The following NKAIN3 variants were observed in gnomAD, a reference collection of about 807,000 sequenced individuals.
The protein encoded by NKAIN3 is sodium/potassium transporting ATPase interacting 3.
A neutral mutation model predicts 30.2 loss-of-function variants in NKAIN3; 25 were observed. That is an observed-to-expected ratio of 0.83 (90% CI 0.60 to 1.16). The LOEUF is 1.16. NKAIN3 is among the 50% of genes most tolerant of loss of function. NKAIN3 has a pLI of 0.00. For missense variants in NKAIN3, 225 were observed against 254.1 expected, an observed-to-expected ratio of 0.89 and a Z score of 0.78; for synonymous variants, 91 against 89.6, an observed-to-expected ratio of 1.02 and a Z score of -0.09.
intron 6 of NKAIN3, among the ~76,000 whole-genome samples, chr8:62,963,149 T>C (rs1823618642): frequency 6.6e-6 from 1 of 152,186 alleles, no homozygotes; most frequent in African/African-American, 2.4e-5. Flanking sequence ...AGACTCAGCC[T>C]CCCAAAGTGC....
chr8:62,830,822 C>G (rs2130744689), intron 4 of NKAIN3, among the ~76,000 whole-genome samples: 1 of 152,302 alleles, frequency 6.6e-6, no homozygotes, highest in East Asian at 1.9e-4. Context: ...CATGCCTAGA[C>G]ACACGTCTCA....
chr8:62,640,407 A>G (rs1265654801), intron 3 of NKAIN3, among the ~76,000 whole-genome samples: 1 of 152,018 alleles, frequency 6.6e-6, no homozygotes, highest in Non-Finnish European at 1.5e-5. Context: ...CCCTTCTGCC[A>G]TGATTGTAAG....
chr8:62,892,114 G>T (rs1821313752), intron 4 of NKAIN3, among the ~76,000 whole-genome samples: 1 of 152,154 alleles, frequency 6.6e-6, no homozygotes, highest in South Asian at 2.1e-4. Context: ...GCAAGGATTA[G>T]ATATACTTAA....
chr8:62,578,386 A>G (rs1230379363), intron 1 of NKAIN3, among the ~76,000 whole-genome samples: 1 of 152,252 alleles, frequency 6.6e-6, no homozygotes, highest in Middle Eastern at 3.4e-3. Flanking sequence ...TGACCTCATA[A>G]TTTCTGTCTG....
intron 4 of NKAIN3, among the ~76,000 whole-genome samples, chr8:62,780,281 A>C (rs1817315985): frequency 6.6e-6 from 1 of 152,170 alleles, no homozygotes; most frequent in Non-Finnish European, 1.5e-5. Context: ...GTGAGTAATG[A>C]GATTAAATCA....
intron 4 of NKAIN3, among the ~76,000 whole-genome samples, chr8:62,808,108 G>A (rs1818364058): frequency 6.6e-6 from 1 of 151,818 alleles, no homozygotes; most frequent in Non-Finnish European, 1.5e-5. Flanking sequence ...CTAGTTTTTA[G>A]GTCTCCCTTA....
chr8:62,801,556 G>A (rs1283647377), intron 4 of NKAIN3, among the ~76,000 whole-genome samples: 2 of 152,280 alleles, frequency 1.3e-5, no homozygotes, highest in East Asian at 3.9e-4. Flanking sequence ...GCAGCTGAGG[G>A]TCCTCTCTGT....
intron 1 of NKAIN3, among the ~76,000 whole-genome samples, chr8:62,275,349 T>C (rs370616170): frequency 6.6e-6 from 1 of 152,248 alleles, no homozygotes; most frequent in African/African-American, 2.4e-5. Flanking sequence ...TGGCCAGTGA[T>C]GATGAGCATT....
intron 6 of NKAIN3, among the ~76,000 whole-genome samples, chr8:62,964,219 G>A (rs560819712): frequency 6.6e-6 from 1 of 152,186 alleles, no homozygotes; most frequent in South Asian, 2.1e-4. Context: ...CTTCACAGTA[G>A]AGAAGAAATT....
At position 62,607,414 on chromosome 8, in the gene NKAIN3, G is replaced by A. The variant is rs577334485; in HGVS notation, c.273+17620G>A. On this transcript the variant is annotated intron_variant, in intron 3 of 6. Coordinates refer to ENST00000623646, the MANE Select transcript of NKAIN3 (RefSeq NM_001304533.3). Reference sequence around the variant, plus strand: ...GGAAGGCTGATGCACCTTCTCTTGGGACCATTCAGCACCTTTGCATCACTC... The same window carrying A: ...GGAAGGCTGATGCACCTTCTCTTGGAACCATTCAGCACCTTTGCATCACTC... 2.5e-4 allele frequency among the ~76,000 whole-genome samples: 38 copies of A among 152,184 alleles called. 1 individual carries two copies. In the South Asian group the frequency reaches 7.7e-3, roughly 31 times the overall value.
chr8:62,426,363 T>A (rs1309816952), intron 1 of NKAIN3, among the ~76,000 whole-genome samples: 2 of 151,990 alleles, frequency 1.3e-5, no homozygotes, highest in Admixed American at 6.6e-5. Flanking sequence ...TGTAATTTTT[T>A]AAAAGCTAGT....
intron 1 of NKAIN3, among the ~76,000 whole-genome samples, chr8:62,415,094 T>G (rs1038441551): frequency 9.2e-5 from 13 of 141,912 alleles, no homozygotes; most frequent in Non-Finnish European, 1.8e-4. Flanking sequence ...TATACTATAT[T>G]ACATATAATA....
intron 3 of NKAIN3, among the ~76,000 whole-genome samples, chr8:62,653,169 T>C (rs555101159): frequency 6.6e-6 from 1 of 152,282 alleles, no homozygotes; most frequent in South Asian, 2.1e-4. Flanking sequence ...AGAAATGTAT[T>C]TTCCCAAAGG....
intron 4 of NKAIN3, among the ~76,000 whole-genome samples, chr8:62,750,895 T>G (rs908098769): frequency 6.6e-6 from 1 of 151,982 alleles, no homozygotes; most frequent in East Asian, 1.9e-4. Context: ...GTTCATATGC[T>G]CATCACTTCT....
At chr8:62,295,405 G>A (rs1023689239) in intron 1 of NKAIN3, among the ~76,000 whole-genome samples, 9 of 152,136 alleles carry the variant, frequency 5.9e-5, no homozygotes, top group Admixed American at 2.6e-4. Context: ...CAGACTCAGC[G>A]TGATTTCATG....
intron 1 of NKAIN3, among the ~76,000 whole-genome samples, chr8:62,289,455 A>G (rs1813505283): frequency 6.6e-6 from 1 of 152,224 alleles, no homozygotes; most frequent in South Asian, 2.1e-4. Context: ...TCAGCTTTCT[A>G]CATATGGCTA....
intron 1 of NKAIN3, among the ~76,000 whole-genome samples, chr8:62,356,709 TC>T (rs553837838): frequency 1.9e-4 from 29 of 152,274 alleles, no homozygotes; most frequent in African/African-American, 6.7e-4. Context: ...TAAAGGTGAA[TC>T]AAATTGTGTC....
chr8:62,836,536 G>A (rs75876514), intron 4 of NKAIN3, among the ~76,000 whole-genome samples: 9 of 152,066 alleles, frequency 5.9e-5, no homozygotes, highest in Non-Finnish European at 1.3e-4. Context: ...CATAATGTCA[G>A]TCTGACCTTT....
In NKAIN3 at chr8:62,549,958, G is replaced by A. The variant is rs180856761; in HGVS notation, c.55-29581G>A. Among the ~76,000 whole-genome samples the A allele has an allele frequency of 1.4e-3, 204 of 148,690 alleles. 2 individuals are homozygous for A. The highest frequency in any genetic ancestry group is 3.7e-3 in the African/African-American group (147 of 40,120). On this transcript the variant is annotated intron_variant, in intron 1 of 6. Transcript: ENST00000623646. ...GGGCCTACTAGATCACTGGACATGG[G>A]TAGCTATTTGTATGTTTATTCAAAA...
Sources: gnomAD v4.1 joint callset for allele counts (sites outside exome capture counted in the v4.1 genomes callset) on GRCh38, gnomAD v4.1.1 for gene constraint, MANE v1.5 for transcripts, NCBI Gene and HGNC (gene_info 2026-07-23, HGNC 2026-07-21) for gene names.